The following ESRRG variants were observed in gnomAD, a reference collection of about 807,000 sequenced individuals.
ESRRG encodes the protein estrogen-related receptor gamma.
In ESRRG, 13 loss-of-function variants were observed where a neutral mutation model predicts 44.0. The ratio of observed to expected loss-of-function variants is 0.30; its 90% CI spans 0.19 to 0.47. The LOEUF is 0.47. ESRRG is among the 20% of genes least tolerant of loss of function. ESRRG has a pLI of 1.00. For synonymous variants in ESRRG, 215 were observed against 214.6 expected, an observed-to-expected ratio of 1.00 and a Z score of -0.02; for missense variants, 395 against 580.6, an observed-to-expected ratio of 0.68 and a Z score of 3.29.
intron 2 of ESRRG, among the ~76,000 whole-genome samples, chr1:216,851,681 A>G (rs2095845297): frequency 6.6e-6 from 1 of 152,206 alleles, no homozygotes; most frequent in Non-Finnish European, 1.5e-5. Flanking sequence ...TCTGTTGTTT[A>G]TAAGCCACAC....
intron 2 of ESRRG, among the ~76,000 whole-genome samples, chr1:216,884,950 G>T (rs1293671195): frequency 2.0e-5 from 3 of 152,104 alleles, no homozygotes; most frequent in Non-Finnish European, 4.4e-5. Context: ...GTTATGTTTT[G>T]CTATTATGGA....
intron 1 of ESRRG, among the ~76,000 whole-genome samples, chr1:217,042,523 G>T (rs2084069311): frequency 6.9e-6 from 1 of 144,598 alleles, no homozygotes; most frequent in Admixed American, 7.0e-5. Flanking sequence ...CACTGCATGT[G>T]CTCTGACATC....
At chr1:216,564,732 A>G (rs1296326829) in intron 4 of ESRRG, among the ~76,000 whole-genome samples, 1 of 152,188 alleles carries the variant, frequency 6.6e-6, no homozygotes, top group African/African-American at 2.4e-5. Context: ...TTGGTGAAGT[A>G]GATTAAATGG....
chr1:216,690,412 G>A (rs1367834911), intron 1 of ESRRG, among the ~76,000 whole-genome samples: 2 of 152,026 alleles, frequency 1.3e-5, no homozygotes, highest in African/African-American at 2.4e-5. Flanking sequence ...AATATATACT[G>A]TAAAATTCTG....
At chr1:216,837,012 C>T (rs867548718) in intron 2 of ESRRG, among the ~76,000 whole-genome samples, 2 of 151,990 alleles carry the variant, frequency 1.3e-5, no homozygotes, top group African/African-American at 2.4e-5. Flanking sequence ...TAGTACTGGA[C>T]GGATCAAACA....
At chr1:216,569,185 G>GGGAAA (rs2060282853) in intron 3 of ESRRG, among the ~76,000 whole-genome samples, 1 of 51,560 alleles carries the variant, frequency 1.9e-5, no homozygotes, top group Non-Finnish European at 3.8e-5. Context: ...GGGAAGGGAA[G>GGGAAA]GGAAGGGAAA....
chr1:217,107,858 A>G (rs1435915012), intron 1 of ESRRG, among the ~76,000 whole-genome samples: 1 of 152,174 alleles, frequency 6.6e-6, no homozygotes, highest in East Asian at 1.9e-4. Context: ...TTTATGCCAT[A>G]AAATACAACC....
At chr1:216,978,535 G>A (rs1046773549) in intron 1 of ESRRG, among the ~76,000 whole-genome samples, 10 of 152,054 alleles carry the variant, frequency 6.6e-5, no homozygotes, top group South Asian at 2.1e-4. Context: ...AGGATCTCCC[G>A]GACACTGTGG....
At chr1:217,082,012 G>A (rs1188709618) in intron 1 of ESRRG, among the ~76,000 whole-genome samples, 1 of 152,196 alleles carries the variant, frequency 6.6e-6, no homozygotes, top group Non-Finnish European at 1.5e-5. Flanking sequence ...GTAAGGGAAA[G>A]TAAATATGCT....
At chr1:216,921,919 T>C (rs1399760960) in intron 2 of ESRRG, among the ~76,000 whole-genome samples, 2 of 152,170 alleles carry the variant, frequency 1.3e-5, no homozygotes, top group African/African-American at 2.4e-5. Flanking sequence ...TAATGGACAG[T>C]GCCTGGCACA....
At chr1:216,642,569 C>T (rs2066668980) in intron 3 of ESRRG, among the ~76,000 whole-genome samples, 1 of 152,114 alleles carries the variant, frequency 6.6e-6, no homozygotes, top group Non-Finnish European at 1.5e-5. Context: ...TAATACTCTG[C>T]ATTAATGAGG....
chr1:216,953,258 GCCATTAGGGA>G (rs998882077), intron 1 of ESRRG, among the ~76,000 whole-genome samples: 1 of 151,986 alleles, frequency 6.6e-6, no homozygotes, highest in African/African-American at 2.4e-5. Context: ...AAAAACCAAG[GCCATTAGGGA>G]CCAATTTCGA....
chr1:216,622,407 T>C (rs1368758829), intron 3 of ESRRG, among the ~76,000 whole-genome samples: 1 of 152,198 alleles, frequency 6.6e-6, no homozygotes, highest in Non-Finnish European at 1.5e-5. Context: ...TCTGCTTTCT[T>C]GAATTATTAG....
chr1:216,926,178 G>T (rs949136033), intron 2 of ESRRG, among the ~76,000 whole-genome samples: 1 of 152,186 alleles, frequency 6.6e-6, no homozygotes, highest in African/African-American at 2.4e-5. Context: ...CAGATGCCAG[G>T]CCCCTGCCCT....
At chr1:216,698,495 G>T (rs1021966838) in intron 1 of ESRRG, among the ~76,000 whole-genome samples, 1 of 146,666 alleles carries the variant, frequency 6.8e-6, no homozygotes, top group East Asian at 2.0e-4. Context: ...CTCCAGCCTG[G>T]GCGACTGAGC....
intron 2 of ESRRG, among the ~76,000 whole-genome samples, chr1:216,803,642 G>A (rs908138440): frequency 6.6e-6 from 1 of 151,884 alleles, no homozygotes; most frequent in African/African-American, 2.4e-5. Flanking sequence ...GTGTATTCAG[G>A]GCTCTCTGTC....
intron 2 of ESRRG, among the ~76,000 whole-genome samples, chr1:216,790,574 T>C (rs750817877): frequency 1.3e-5 from 2 of 152,110 alleles, no homozygotes; most frequent in East Asian, 1.9e-4. Flanking sequence ...AAAGAGGATA[T>C]GCAAAGATGG....
At chr1:217,019,817 T>C (rs1332095477) in intron 1 of ESRRG, among the ~76,000 whole-genome samples, 1 of 152,362 alleles carries the variant, frequency 6.6e-6, no homozygotes, top group South Asian at 2.1e-4. Flanking sequence ...GTCTGTCTCA[T>C]AGAAAGCTCT....
At chr1:216,968,545 T>C (rs1215062731) in intron 1 of ESRRG, among the ~76,000 whole-genome samples, 1 of 152,110 alleles carries the variant, frequency 6.6e-6, no homozygotes, top group East Asian at 1.9e-4. Flanking sequence ...TAACTGACTG[T>C]GTTTATGTGG....
Sources: gnomAD v4.1 joint callset for allele counts (sites outside exome capture counted in the v4.1 genomes callset) on GRCh38, gnomAD v4.1.1 for gene constraint, MANE v1.5 for transcripts, NCBI Gene and HGNC (gene_info 2026-07-23, HGNC 2026-07-21) for gene names.